ROBO1: variants seen among roughly 807,000 people sequenced by gnomAD.
ROBO1 encodes the protein roundabout homolog 1.
A neutral mutation model predicts 195.9 loss-of-function variants in ROBO1; 149 were observed. That is an observed-to-expected ratio of 0.76 (90% CI 0.67 to 0.87). The LOEUF is 0.87. Among genes scored for constraint, ROBO1 ranks in the 40% least tolerant of loss-of-function variants. The pLI, the probability that ROBO1 is intolerant of heterozygous loss-of-function variation, is 0.00. For missense variants in ROBO1, 1,933 were observed against 2,068.3 expected, an observed-to-expected ratio of 0.93 and a Z score of 1.27; for synonymous variants, 816 against 733.2, an observed-to-expected ratio of 1.11 and a Z score of -1.82.
intron 3 of ROBO1, among the ~76,000 whole-genome samples, chr3:78,982,676 T>G (rs2077022587): frequency 6.6e-6 from 1 of 152,148 alleles, no homozygotes; most frequent in South Asian, 2.1e-4. Flanking sequence ...TTGCCCAGGC[T>G]GGAGTGTAGT....
At chr3:79,518,294 A>G (rs1275521055) in intron 2 of ROBO1, among the ~76,000 whole-genome samples, 2 of 148,422 alleles carry the variant, frequency 1.3e-5, no homozygotes, top group Non-Finnish European at 2.9e-5. Flanking sequence ...AAGGCATGTT[A>G]AGAAGAAGAA....
rs1216869124 is a variant in ROBO1 at position 78,948,341 on chromosome 3, G to T, written c.173-9414C>A. ...ATGATCAAGTGGGCTTCATCCCTGGGATGCAAGGCTGGTTCAACATACACA... is the reference window on the plus strand; with the variant it reads ...ATGATCAAGTGGGCTTCATCCCTGGTATGCAAGGCTGGTTCAACATACACA... On this transcript the variant is annotated intron_variant, in intron 3 of 30. Transcript: ENST00000464233. Among the ~76,000 whole-genome samples the T allele has an allele frequency of 3.3e-5, 5 of 152,284 alleles. No homozygotes were observed. The East Asian group carries it at 9.7e-4, about 29-fold the overall frequency.
chr3:79,750,209 C>T (rs184096645), intron 1 of ROBO1, among the ~76,000 whole-genome samples: 4 of 152,310 alleles, frequency 2.6e-5, no homozygotes, highest in Admixed American at 1.3e-4. Flanking sequence ...GGGGCTGTGG[C>T]CCCTTTGTTT....
chr3:78,696,653 C>CATGTATACAT (rs2081298467), intron 8 of ROBO1, among the ~76,000 whole-genome samples: 1 of 145,872 alleles, frequency 6.9e-6, no homozygotes, highest in African/African-American at 2.5e-5. Context: ...TATATATATA[C>CATGTATACAT]ACATATATAT....
chr3:79,395,340 A>AAGAAAG (rs1553733528), intron 2 of ROBO1, among the ~76,000 whole-genome samples: 1 of 119,062 alleles, frequency 8.4e-6, no homozygotes, highest in African/African-American at 3.1e-5. Flanking sequence ...AAAAAAAAAA[A>AAGAAAG]AAAGAAAGAA....
At chr3:79,203,806 C>T (rs1399386979) in intron 2 of ROBO1, among the ~76,000 whole-genome samples, 1 of 152,120 alleles carries the variant, frequency 6.6e-6, no homozygotes. Context: ...TCCGTAGTTA[C>T]CGGAATATCA....
chr3:78,897,077 C>T (rs2037283018), intron 4 of ROBO1, among the ~76,000 whole-genome samples: 1 of 152,196 alleles, frequency 6.6e-6, no homozygotes, highest in Admixed American at 6.5e-5. Context: ...TGCCATCTCT[C>T]TATAGCTATG....
rs58016604 is a variant in ROBO1 at position 79,633,353 on chromosome 3, C to CTTTT, written c.-50-43396_-50-43393dup. Among the ~76,000 whole-genome samples the CTTTT allele has an allele frequency of 2.3e-4, 28 of 119,870 alleles. 2 individuals carry two copies. Among genetic ancestry groups the CTTTT allele is most frequent in the Admixed American group, 7.5e-4 (8 of 10,636 alleles). 78.6% of individuals were successfully genotyped at this position (119,870 alleles called of 152,430 possible). A position where few individuals can be genotyped will look rare whatever the true frequency, so the allele number is the denominator to read the frequency against. ...CACACCCAGCTAATTTTTTGCATTTCTTTTTTTTTTTTTTTTTGGAGAGAT... is the reference window on the plus strand; with the variant it reads ...CACACCCAGCTAATTTTTTGCATTTCTTTTTTTTTTTTTTTTTTTTTGGAGAGAT... On this transcript the variant is annotated intron_variant, in intron 1 of 30. Transcript: ENST00000464233.
At chr3:79,232,477 C>T (rs891086625) in intron 2 of ROBO1, among the ~76,000 whole-genome samples, 1 of 150,272 alleles carries the variant, frequency 6.7e-6, no homozygotes, top group Non-Finnish European at 1.5e-5. Flanking sequence ...ACAAACATCA[C>T]AATCAAATTT....
chr3:78,634,981 T>C (rs772204603), intron 23 of ROBO1, among the ~76,000 whole-genome samples: 12 of 152,286 alleles, frequency 7.9e-5, no homozygotes, highest in East Asian at 7.7e-4. Flanking sequence ...TTACCTGGAA[T>C]AGGTGGGGAT....
chr3:79,502,474 G>A (rs969958779), intron 2 of ROBO1, among the ~76,000 whole-genome samples: 4 of 152,084 alleles, frequency 2.6e-5, no homozygotes, highest in African/African-American at 9.7e-5. Context: ...CCTGTAGCCC[G>A]CCATGCCTGA....
At chr3:78,711,372 TTCCTTCCTTCCTTCCTTCCTTCCTTC>T (rs1559773135) in intron 8 of ROBO1, among the ~76,000 whole-genome samples, 7 of 27,768 alleles carry the variant, frequency 2.5e-4, no homozygotes, top group Non-Finnish European at 4.5e-4. Context: ...CCTTCCTTCC[TTCCTTCCTTCCTTCCTTCCTTCCTTC>T]CTTTCTTTCT....
chr3:78,808,813 G>GT (rs2084633454), intron 4 of ROBO1, among the ~76,000 whole-genome samples: 1 of 152,062 alleles, frequency 6.6e-6, no homozygotes, highest in Non-Finnish European at 1.5e-5. Flanking sequence ...ACTGAAACTG[G>GT]ATCCCTTCCT....
intron 4 of ROBO1, among the ~76,000 whole-genome samples, chr3:78,759,818 C>T (rs1422536333): frequency 6.6e-6 from 1 of 150,816 alleles, no homozygotes; most frequent in Admixed American, 6.6e-5. Flanking sequence ...ATCGAGGCAT[C>T]TAAACAGCAT....
intron 3 of ROBO1, among the ~76,000 whole-genome samples, chr3:79,057,097 C>A (rs111627781): frequency 6.6e-6 from 1 of 152,022 alleles, no homozygotes; most frequent in Non-Finnish European, 1.5e-5. Context: ...AAAATGACTT[C>A]TTGGGTGGTC....
intron 25 of ROBO1, among the ~76,000 whole-genome samples, chr3:78,629,648 A>AAACGAAACC (rs555746162): frequency 6.9e-6 from 1 of 145,084 alleles, no homozygotes; most frequent in Non-Finnish European, 1.5e-5. Context: ...TCTAAAAACA[A>AAACGAAACC]AACCAAACCA....
At chr3:79,181,018 T>C (rs1296346721) in intron 2 of ROBO1, among the ~76,000 whole-genome samples, 7 of 152,196 alleles carry the variant, frequency 4.6e-5, no homozygotes, top group African/African-American at 1.7e-4. Flanking sequence ...CTTTAATTTA[T>C]ATTTGTGAAA....
chr3:79,410,540 T>G (rs2037723448), intron 2 of ROBO1, among the ~76,000 whole-genome samples: 2 of 151,610 alleles, frequency 1.3e-5, no homozygotes, highest in African/African-American at 4.8e-5. Flanking sequence ...GTATCAGACC[T>G]ATAGACATGC....
At chr3:79,305,313 C>A (rs537313223) in intron 2 of ROBO1, among the ~76,000 whole-genome samples, 17 of 151,944 alleles carry the variant, frequency 1.1e-4, no homozygotes, top group African/African-American at 2.9e-4. Context: ...ATGGTGAAAA[C>A]CCGTCTTTAC....
Sources: allele counts gnomAD v4.1 joint callset (sites outside exome capture counted in the v4.1 genomes callset), GRCh38; gene constraint gnomAD v4.1.1; transcripts MANE v1.5; gene names NCBI Gene and HGNC (gene_info 2026-07-23, HGNC 2026-07-21).